The following BMP5 variants were observed in gnomAD, a reference collection of about 807,000 sequenced individuals.
BMP5 encodes bone morphogenetic protein 5.
BMP5 carries 23 observed loss-of-function variants against 46.6 expected under a neutral mutation model. That is an observed-to-expected ratio of 0.49 (90% confidence interval 0.35 to 0.70). The LOEUF (loss-of-function observed/expected upper bound fraction) is 0.70. Ranked by LOEUF, BMP5 falls within the 30% of genes least tolerant of loss-of-function variation. The pLI is 0.00. For missense variants in BMP5, 545 were observed against 565.6 expected (o/e 0.96, Z 0.37); for synonymous variants, 204 against 191.9 (o/e 1.06, Z -0.52).
intron 1 of BMP5, among the ~76,000 whole-genome samples, chr6:55,844,679 C>A (rs1252533891): frequency 6.6e-6 from 1 of 151,748 alleles, no homozygotes; most frequent in African/African-American, 2.4e-5. Context: ...TTATAAATCA[C>A]ATTATCTTCT....
chr6:55,868,899 T>A (rs1777713051), intron 1 of BMP5, among the ~76,000 whole-genome samples: 1 of 152,230 alleles, frequency 6.6e-6, no homozygotes. Flanking sequence ...TAGCCAAGGG[T>A]ATTATTTTAA....
intron 1 of BMP5, among the ~76,000 whole-genome samples, chr6:55,829,641 T>G: frequency 6.6e-6 from 1 of 151,846 alleles, no homozygotes; most frequent in Admixed American, 6.6e-5. Context: ...TAATAGAATC[T>G]CTATAATTCT....
chr6:55,828,744 T>C (rs1421167096), intron 1 of BMP5, among the ~76,000 whole-genome samples: 2 of 151,790 alleles, frequency 1.3e-5, no homozygotes, highest in Admixed American at 6.6e-5. Context: ...TCAATATTTC[T>C]CTATGGGGGA....
At chr6:55,822,976 G>T (rs1200721581) in intron 1 of BMP5, among the ~76,000 whole-genome samples, 1 of 151,992 alleles carries the variant, frequency 6.6e-6, no homozygotes, top group East Asian at 1.9e-4. Context: ...GGACATATTG[G>T]AATGAGTAAT....
At chr6:55,808,772 C>A (rs1776053412) in intron 2 of BMP5, among the ~76,000 whole-genome samples, 1 of 152,210 alleles carries the variant, frequency 6.6e-6, no homozygotes, top group African/African-American at 2.4e-5. Context: ...GCTCTTCCTT[C>A]CTCTCCATGG....
At chr6:55,756,404 T>TA (rs34419951) in intron 6 of BMP5, among the ~76,000 whole-genome samples, 1 of 151,708 alleles carries the variant, frequency 6.6e-6, no homozygotes, top group Non-Finnish European at 1.5e-5. Flanking sequence ...CCCAAAAGCC[T>TA]AAAAAGGTGT....
At chr6:55,829,000 G>A (rs931512654) in intron 1 of BMP5, among the ~76,000 whole-genome samples, 1 of 151,726 alleles carries the variant, frequency 6.6e-6, no homozygotes, top group African/African-American at 2.4e-5. Context: ...ACAAAGAAAT[G>A]TGATTATCAT....
rs543022910 is a variant in BMP5 at position 55,867,209 on chromosome 6, TC to T, written c.490+7166del. 2.2e-3 allele frequency among the ~76,000 whole-genome samples: 336 copies of T among 152,022 alleles called. 2 individuals are homozygous for T. Among genetic ancestry groups the T allele is most frequent in the African/African-American group, 7.4e-3 (307 of 41,452 alleles). On this transcript the variant is annotated intron_variant, in intron 1 of 6. Coordinates refer to ENST00000370830, the MANE Select transcript of BMP5 (RefSeq NM_021073.4). ...GGGTATTTATCCCTTGGTATCTGTA[TC>T]CCCCCCGCTGAGTATCTAAGGATTA...
chr6:55,803,448 T>C (rs1401909518), intron 2 of BMP5, among the ~76,000 whole-genome samples: 1 of 152,152 alleles, frequency 6.6e-6, no homozygotes, highest in Non-Finnish European at 1.5e-5. Flanking sequence ...CAGAATTCCC[T>C]TGGGAATTTG....
At position 55,754,493 on chromosome 6, in the gene BMP5, A is replaced by G. The variant is rs1263661682; in HGVS notation, c.*1040T>C. On this transcript the variant is annotated 3_prime_UTR_variant, in exon 7 of 7. Coordinates refer to ENST00000370830, the MANE Select transcript of BMP5 (RefSeq NM_021073.4). ...TAGAAATGGCAATTCTGTCAAAGCC[A>G]TTCTGGGACTTTTGGTAATTTCCTC... The G allele has an allele frequency of 6.6e-6, 1 of 152,016 alleles. No homozygotes were observed. The highest frequency in any genetic ancestry group is 1.5e-5 in the Non-Finnish European group (1 of 67,946). The allele number at this position is 152,016 out of a possible 1,614,324, so 9.4% of individuals were successfully genotyped here. A position where few individuals can be genotyped will look rare whatever the true frequency, so the allele number is the denominator to read the frequency against.
chr6:55,874,927 ACCT>A lies in BMP5; in HGVS notation c.-65_-63del. 1 of 1,528,632 alleles carries A rather than the reference ACCT, an allele frequency of 6.5e-7. No homozygotes were observed. 94.7% of individuals were successfully genotyped at this position (1,528,632 alleles called of 1,614,324 possible). On this transcript the variant is annotated 5_prime_UTR_variant, in exon 1 of 7. Coordinates refer to ENST00000370830, the MANE Select transcript of BMP5 (RefSeq NM_021073.4). ...TCTTGTCCTCTTAAAAAAAAAAAAA[ACCT>A]AAGGTTCTAGGAGGTACAGTTTCCC... is the stretch of plus-strand genomic sequence containing the variant.
chr6:55,819,847 A>G lies in BMP5; in HGVS notation c.491T>C (p.Val164Ala). 1 of 1,613,156 alleles carries G rather than the reference A, an allele frequency of 6.2e-7. No homozygotes were observed. The highest frequency in any genetic ancestry group is 8.5e-7 in the Non-Finnish European group (1 of 1,179,338). ...GTGAGAAAAATCCTTGTCTCTTTCA[A>G]CTGAAAAAATAAAGGGGGTTGAGGG... ...ADMVMSFVNL[V>A]ERDKDFSHQR... Residue 164 changes from valine (V) to alanine (A), a missense_variant and splice_region_variant, in exon 2 of 7, where the codon GTT (valine) becomes GCT (alanine). Transcript: ENST00000370830.
intron 1 of BMP5, among the ~76,000 whole-genome samples, chr6:55,839,518 T>C (rs920145828): frequency 1.7e-4 from 26 of 152,080 alleles, no homozygotes; most frequent in African/African-American, 5.6e-4. Flanking sequence ...TCCCAATATG[T>C]TGCCCAGGCT....
At chr6:55,823,898 C>A (rs1371358680) in intron 1 of BMP5, among the ~76,000 whole-genome samples, 1 of 143,148 alleles carries the variant, frequency 7.0e-6, no homozygotes, top group Non-Finnish European at 1.6e-5. Context: ...TATGAATAAA[C>A]AAATGATTAT....
chr6:55,819,333 A>T (rs1776353088), intron 2 of BMP5, among the ~76,000 whole-genome samples: 1 of 152,188 alleles, frequency 6.6e-6, no homozygotes, highest in Non-Finnish European at 1.5e-5. Context: ...TATACATTTC[A>T]TGTGGGCAGA....
intron 3 of BMP5, among the ~76,000 whole-genome samples, chr6:55,788,859 A>G (rs1267752806): frequency 1.3e-5 from 2 of 151,918 alleles, no homozygotes; most frequent in Non-Finnish European, 2.9e-5. Context: ...TCAAAACTTT[A>G]AATTCTAAGT....
intron 3 of BMP5, among the ~76,000 whole-genome samples, chr6:55,785,542 G>T (rs1775426663): frequency 6.6e-6 from 1 of 151,760 alleles, no homozygotes; most frequent in Non-Finnish European, 1.5e-5. Context: ...CAGCATACGT[G>T]GGTTTGGAAA....
intron 4 of BMP5, among the ~76,000 whole-genome samples, chr6:55,768,519 C>T (rs1774971359): frequency 6.6e-6 from 1 of 151,854 alleles, no homozygotes; most frequent in African/African-American, 2.4e-5. Context: ...GTAAGGGAGG[C>T]TAGGCTAAGC....
At chr6:55,794,924 T>C (rs1775668751) in intron 2 of BMP5, among the ~76,000 whole-genome samples, 1 of 152,082 alleles carries the variant, frequency 6.6e-6, no homozygotes, top group South Asian at 2.1e-4. Flanking sequence ...ATTTTATGGA[T>C]ACCAAACACC....
Sources: gnomAD v4.1 joint callset for allele counts (sites outside exome capture counted in the v4.1 genomes callset) on GRCh38, gnomAD v4.1.1 for gene constraint, MANE v1.5 for transcripts, NCBI Gene and HGNC (gene_info 2026-07-23, HGNC 2026-07-21) for gene names.